Variants in RPIA observed in about 807,000 individuals in gnomAD.
RPIA encodes ribose-5-phosphate isomerase.
A neutral mutation model predicts 37.8 loss-of-function variants in RPIA; 29 were observed. The observed-to-expected ratio is 0.77, with a 90% CI of 0.57 to 1.05. The LOEUF (loss-of-function observed/expected upper bound fraction) is 1.05. RPIA is among the 50% of genes least tolerant of loss of function. RPIA has a pLI of 0.00. For missense variants in RPIA, 385 were observed against 413.6 expected (o/e 0.93, Z 0.60); for synonymous variants, 167 against 157.0 (o/e 1.06, Z -0.48).
intron 1 of RPIA, among the ~76,000 whole-genome samples, chr2:88,694,647 A>G (rs995524615): frequency 6.6e-6 from 1 of 152,230 alleles, no homozygotes; most frequent in Admixed American, 6.5e-5. Flanking sequence ...CTCAGAAAAC[A>G]GAATCTCCCT....
intron 3 of RPIA, among the ~76,000 whole-genome samples, chr2:88,714,152 A>ATT: frequency 7.7e-6 from 1 of 130,040 alleles, no homozygotes; most frequent in Non-Finnish European, 1.7e-5. Flanking sequence ...CTATCTGCTC[A>ATT]TTTTTTGTTT....
At chr2:88,714,168 TTTG>T (rs1438831323) in intron 3 of RPIA, among the ~76,000 whole-genome samples, 1 of 140,850 alleles carries the variant, frequency 7.1e-6, no homozygotes, top group African/African-American at 2.9e-5. Context: ...TGTTTTTTTG[TTTG>T]TTTGTTTGTT....
At chr2:88,746,556 C>G (rs542615786) in intron 8 of RPIA, among the ~76,000 whole-genome samples, 1 of 152,346 alleles carries the variant, frequency 6.6e-6, no homozygotes, top group Admixed American at 6.5e-5. Context: ...AGTGCGGCTA[C>G]TGGGCTCCAG....
chr2:88,738,145 C>A, intron 8 of RPIA, 69 bp downstream of exon 8: 1 of 1,056,552 alleles, frequency 9.5e-7, no homozygotes, highest in South Asian at 1.3e-5. Flanking sequence ...TACATCTGGC[C>A]ACAGAAGGCA....
At chr2:88,726,903 T>G (rs1192800535) in intron 3 of RPIA, among the ~76,000 whole-genome samples, 1 of 152,134 alleles carries the variant, frequency 6.6e-6, no homozygotes, top group African/African-American at 2.4e-5. Context: ...GATGCCTAGC[T>G]AATTTTTGTA....
rs542164659 is a variant in RPIA, at chr2:88,722,625, G to C, written c.403-6653G>C. Among the ~76,000 whole-genome samples the C allele has an allele frequency of 4.3e-4, 66 of 152,282 alleles. 1 individual carries two copies. The highest frequency in any genetic ancestry group is 1.1e-3 in the Admixed American group (17 of 15,292). On this transcript the variant is annotated intron_variant, in intron 3 of 8. Coordinates refer to ENST00000283646, the MANE Select transcript of RPIA (RefSeq NM_144563.3). ...TTAGCTTTGAAACAAAGACGTAACA[G>C]TCCTTTGTCTCATTTGCCATTATAC...
At chr2:88,736,073 G>A (rs1558699033) in intron 6 of RPIA, among the ~76,000 whole-genome samples, 2 of 152,180 alleles carry the variant, frequency 1.3e-5, no homozygotes, top group East Asian at 3.9e-4. Flanking sequence ...CCTCAGAGGA[G>A]GCAGGGTGTG....
rs1345710743 is a variant in RPIA at position 88,691,824 on chromosome 2, G to T, written c.126G>T (p.Arg42=). Residue 42 remains arginine, a synonymous_variant, in exon 1 of 9, where the codon CGG becomes CGT. Transcript: ENST00000283646. ...NSWDLPGSHV[R]LPGRAQSGTR... ...GGGACCTCCCGGGTTCCCACGTGCG[G>T]CTGCCGGGGCGTGCACAGTCTGGGA... 1.9e-6 allele frequency: 3 copies of T among 1,596,894 alleles called. No homozygotes were observed. In the Admixed American group the frequency reaches 5.3e-5, roughly 28 times the overall value.
At position 88,715,263 on chromosome 2, in the gene RPIA, G is replaced by C. The variant is rs138356209; in HGVS notation, c.403-14015G>C. 4.5e-3 allele frequency among the ~76,000 whole-genome samples: 683 copies of C among 152,288 alleles called. 1 individual carries two copies. The highest frequency in any genetic ancestry group is 0.016 in the African/African-American group (650 of 41,550). On this transcript the variant is annotated intron_variant, in intron 3 of 8. Transcript: ENST00000283646. ...CAGGGTGAAGTCAAGGGACAGGAGAGGAAGAAACAGTATTCTCATGCTGAT... is the reference window on the plus strand; with the variant it reads ...CAGGGTGAAGTCAAGGGACAGGAGACGAAGAAACAGTATTCTCATGCTGAT...
chr2:88,719,921 A>G (rs1034841514), intron 3 of RPIA, among the ~76,000 whole-genome samples: 1 of 152,160 alleles, frequency 6.6e-6, no homozygotes, highest in Non-Finnish European at 1.5e-5. Context: ...TGTTTGATTT[A>G]TAGTGAAACT....
At chr2:88,740,421 G>A (rs867543970) in intron 8 of RPIA, among the ~76,000 whole-genome samples, 2 of 152,182 alleles carry the variant, frequency 1.3e-5, no homozygotes, top group South Asian at 2.1e-4. Flanking sequence ...GTGGTTTGCT[G>A]TATCTTTTCT....
At position 88,728,948 on chromosome 2, in the gene RPIA, T is replaced by C. The variant is rs117550649; in HGVS notation, c.403-330T>C. On this transcript the variant is annotated intron_variant, in intron 3 of 8. Transcript: ENST00000283646. ...TTGTAGTAAGTTGTGGATTTGGTTC[T>C]ATGTTAGGAATTTTTTGTCGCACTT... 8.4e-4 allele frequency among the ~76,000 whole-genome samples: 128 copies of C among 152,366 alleles called. 1 individual carries two copies. The East Asian group carries it at 0.019, about 23-fold the overall frequency.
At chr2:88,735,870 T>C (rs1305176404) in intron 6 of RPIA, 133 bp downstream of exon 6, 2 of 861,990 alleles carry the variant, frequency 2.3e-6, no homozygotes, top group Admixed American at 3.5e-5. Context: ...GGCTAGGACT[T>C]AGTACAGTGT....
chr2:88,713,957 T>G (rs1471691596), intron 3 of RPIA, among the ~76,000 whole-genome samples: 1 of 152,006 alleles, frequency 6.6e-6, no homozygotes, highest in African/African-American at 2.4e-5. Context: ...AATGATTTTT[T>G]GTTTAAGGGA....
rs576178909 is a variant in RPIA, at chr2:88,741,819, T to C, written c.838+3743T>C. Among the ~76,000 whole-genome samples the C allele has an allele frequency of 7.2e-5, 11 of 152,328 alleles. No individual in the cohort carries two copies. The East Asian group carries it at 1.2e-3, about 16-fold the overall frequency. ...TGCATTTCCCTGATCATTAGTGATG[T>C]TGAGCATTTTTTCATATGTTTGTTG... On this transcript the variant is annotated intron_variant, in intron 8 of 8. Coordinates refer to ENST00000283646, the MANE Select transcript of RPIA (RefSeq NM_144563.3).
At chr2:88,705,366 C>T (rs545689319) in intron 3 of RPIA, among the ~76,000 whole-genome samples, 5 of 152,184 alleles carry the variant, frequency 3.3e-5, no homozygotes, top group Admixed American at 6.5e-5. Flanking sequence ...ACAGCAGACA[C>T]ACAGACCAAT....
In RPIA at chr2:88,691,790, G is replaced by A; in HGVS notation, c.92G>A (p.Gly31Glu). 6.3e-7 allele frequency: 1 copy of A among 1,593,494 alleles called. No homozygotes were observed. Reference sequence around the variant, plus strand: ...GGGGGCGCGGCCTCCGGCGGAGGAGGGAACAGCTGGGACCTCCCGGGTTCC... The same window carrying A: ...GGGGGCGCGGCCTCCGGCGGAGGAGAGAACAGCTGGGACCTCCCGGGTTCC... ...RAGGAASGGG[G>E]NSWDLPGSHV... The change falls in exon 1 of 9, where the codon GGG (glycine) becomes GAG (glutamate). Residue 31 changes from glycine (G) to glutamate (E), a missense_variant. Transcript: ENST00000283646.
chr2:88,704,237 TCTG>T (rs1240883260), intron 3 of RPIA, among the ~76,000 whole-genome samples: 9 of 152,216 alleles, frequency 5.9e-5, no homozygotes, highest in African/African-American at 2.2e-4. Flanking sequence ...AGCGCCTCAC[TCTG>T]CTGGTACCAA....
chr2:88,694,071 C>G (rs1390444059), intron 1 of RPIA, among the ~76,000 whole-genome samples: 1 of 152,240 alleles, frequency 6.6e-6, no homozygotes, highest in African/African-American at 2.4e-5. Context: ...ATTCGACAAG[C>G]TGAGTGAAGT....
Sources: gnomAD v4.1 joint callset for allele counts (sites outside exome capture counted in the v4.1 genomes callset) on GRCh38, gnomAD v4.1.1 for gene constraint, MANE v1.5 for transcripts, NCBI Gene and HGNC (gene_info 2026-07-23, HGNC 2026-07-21) for gene names.